The following MMS22L variants were observed in gnomAD, a reference collection of about 807,000 sequenced individuals.
The protein encoded by MMS22L is MMS22 like, DNA repair protein.
Under a neutral mutation model 159.1 loss-of-function variants are expected in MMS22L, and 74 were observed. That is an observed-to-expected ratio of 0.47 (90% CI 0.39 to 0.56). The LOEUF (loss-of-function observed/expected upper bound fraction) is 0.56. Among genes scored for constraint, MMS22L ranks in the 20% least tolerant of loss-of-function variants. The pLI is 0.00. For synonymous variants in MMS22L, 517 were observed against 506.9 expected, an observed-to-expected ratio of 1.02 and a Z score of -0.27; for missense variants, 1,351 against 1,422.1, an observed-to-expected ratio of 0.95 and a Z score of 0.80.
At chr6:97,203,590 G>T (rs569622774) in intron 14 of MMS22L, among the ~76,000 whole-genome samples, 52 of 152,140 alleles carry the variant, frequency 3.4e-4, no homozygotes, top group Non-Finnish European at 5.1e-4. Context: ...TGATCCTCCT[G>T]TCCTTTCATT....
chr6:97,177,910 T>G (rs979761103), intron 18 of MMS22L, among the ~76,000 whole-genome samples: 5 of 152,126 alleles, frequency 3.3e-5, no homozygotes, highest in South Asian at 2.1e-4. Flanking sequence ...CACTCTCACA[T>G]AGATAAATTT....
chr6:97,281,277 C>T lies in MMS22L; in HGVS notation c.250G>A (p.Ala84Thr). ...IFGIQWVTET[A>T]LVNSSRELFH... ...AGTTCTCTAGATGAATTCACTAATG[C>T]TGTTTCAGTAACCCACTGAATGCCA... The change falls in exon 3 of 25, where the codon GCA becomes ACA. Residue 84 changes from alanine to threonine, a missense_variant. By Grantham distance (58) the Ala-to-Thr change is moderately conservative. Transcript: ENST00000683635. 1 of 1,611,490 alleles carries T rather than the reference C, an allele frequency of 6.2e-7. No homozygotes were observed. Among genetic ancestry groups the T allele is most frequent in the Non-Finnish European group, 8.5e-7 (1 of 1,179,288 alleles).
chr6:97,208,813 CAAAGTCCTTCAT>C (rs1255362976), intron 14 of MMS22L, among the ~76,000 whole-genome samples: 2 of 152,044 alleles, frequency 1.3e-5, no homozygotes, highest in Non-Finnish European at 2.9e-5. Flanking sequence ...GCCCTAACTT[CAAAGTCCTTCAT>C]AATCTGGTAT....
intron 18 of MMS22L, among the ~76,000 whole-genome samples, chr6:97,174,270 A>T (rs9488181): frequency 0.45 from 67,304 of 150,450 alleles, 15,250 homozygotes; most frequent in South Asian, 0.52. Context: ...TAAAAAAAAA[A>T]AAAAAATAAA....
chr6:97,180,712 C>T (rs2128272218), intron 16 of MMS22L, among the ~76,000 whole-genome samples: 1 of 152,222 alleles, frequency 6.6e-6, no homozygotes, highest in South Asian at 2.1e-4. Flanking sequence ...CAAATTATTT[C>T]AGCAAAAGTC....
intron 7 of MMS22L, 60 bp from the exon 8 acceptor site, chr6:97,268,062 G>A: frequency 8.6e-7 from 1 of 1,167,730 alleles, no homozygotes; most frequent in Non-Finnish European, 1.1e-6. Context: ...AAAGGAAAAA[G>A]TGACTGTACA....
At chr6:97,218,193 G>A (rs1295370108) in intron 14 of MMS22L, among the ~76,000 whole-genome samples, 1 of 152,156 alleles carries the variant, frequency 6.6e-6, no homozygotes, top group Non-Finnish European at 1.5e-5. Context: ...CAACTGGGAA[G>A]AACAAACCTC....
chr6:97,228,786 G>A, intron 14 of MMS22L, 108 bp downstream of exon 14: 1 of 1,061,530 alleles, frequency 9.4e-7, no homozygotes, highest in Non-Finnish European at 1.3e-6. Context: ...CTCTACATTT[G>A]GATTTCATGT....
chr6:97,274,761 C>T (rs757860925), intron 4 of MMS22L, among the ~76,000 whole-genome samples: 2 of 152,064 alleles, frequency 1.3e-5, no homozygotes, highest in African/African-American at 2.4e-5. Flanking sequence ...ACAGAAGTGT[C>T]CCTCTGAGAT....
intron 14 of MMS22L, among the ~76,000 whole-genome samples, chr6:97,222,497 T>C (rs1247381963): frequency 6.6e-6 from 1 of 152,100 alleles, no homozygotes; most frequent in Admixed American, 6.6e-5. Context: ...TCTTTGAAAC[T>C]AGTCTCTTGT....
At chr6:97,268,886 T>C (rs1287739053) in intron 7 of MMS22L, among the ~76,000 whole-genome samples, 1 of 151,924 alleles carries the variant, frequency 6.6e-6, no homozygotes, top group East Asian at 1.9e-4. Flanking sequence ...TATATAGACA[T>C]ATATATGTAA....
intron 3 of MMS22L, among the ~76,000 whole-genome samples, chr6:97,279,913 A>G (rs567147849): frequency 7.2e-5 from 11 of 152,248 alleles, no homozygotes; most frequent in Non-Finnish European, 1.5e-4. Context: ...AGACTAAAGT[A>G]TCAGGGAAAG....
Position 97,272,810 on chromosome 6 carries a change from G to A in MMS22L, c.500C>T (p.Pro167Leu), listed in dbSNP as rs756375846. Reference protein sequence around the residue: ...HPYEALEAQLPSVLIDELHGL... With the variant: ...HPYEALEAQLLSVLIDELHGL... Reference sequence around the variant, plus strand: ...ATGAAGCTCATCAATCAACACTGAGGGAAGCTGAGCCTCCAAAGCCTCATA... The same window carrying A: ...ATGAAGCTCATCAATCAACACTGAGAGAAGCTGAGCCTCCAAAGCCTCATA... Residue 167 changes from proline to leucine, a missense_variant, in exon 6 of 25, where the codon CCC becomes CTC. Pro to Leu is a moderately conservative substitution (Grantham distance 98, BLOSUM62 -3). Coordinates refer to ENST00000683635, the MANE Select transcript of MMS22L (RefSeq NM_001350599.2). 4 of 1,613,828 alleles carry A rather than the reference G, an allele frequency of 2.5e-6. No individual in the cohort carries two copies. Among genetic ancestry groups the A allele is most frequent in the African/African-American group, 2.7e-5 (2 of 74,880 alleles).
intron 14 of MMS22L, among the ~76,000 whole-genome samples, chr6:97,204,034 T>G (rs958311580): frequency 6.6e-6 from 1 of 152,192 alleles, no homozygotes; most frequent in Non-Finnish European, 1.5e-5. Context: ...CCATGTTCAA[T>G]GACACAGTGA....
At chr6:97,222,773 T>C (rs1258923362) in intron 14 of MMS22L, among the ~76,000 whole-genome samples, 1 of 152,076 alleles carries the variant, frequency 6.6e-6, no homozygotes, top group Non-Finnish European at 1.5e-5. Flanking sequence ...CTAATTTTCA[T>C]AGCTGTGTTA....
intron 8 of MMS22L, chr6:97,264,595 A>G (rs1038448758): frequency 1.3e-5 from 2 of 152,296 alleles, no homozygotes; most frequent in South Asian, 4.1e-4. Context: ...ACAGAAAGAA[A>G]TGTTAAAATT....
chr6:97,241,074 T>C (rs1812009797), intron 11 of MMS22L, among the ~76,000 whole-genome samples: 1 of 152,236 alleles, frequency 6.6e-6, no homozygotes, highest in Non-Finnish European at 1.5e-5. Context: ...TAGTTTTCCA[T>C]TCCTGAGTGT....
intron 11 of MMS22L, among the ~76,000 whole-genome samples, chr6:97,240,827 A>G (rs1811979051): frequency 6.6e-6 from 1 of 151,854 alleles, no homozygotes; most frequent in Non-Finnish European, 1.5e-5. Flanking sequence ...GAGTTTCACC[A>G]TGTTGGCCAG....
intron 18 of MMS22L, among the ~76,000 whole-genome samples, chr6:97,174,259 A>AT (rs1222842235): frequency 2.0e-5 from 3 of 149,922 alleles, no homozygotes; most frequent in Admixed American, 1.3e-4. Flanking sequence ...CAAAAAAAAA[A>AT]TAAAAAAAAA....
Sources: allele counts gnomAD v4.1 joint callset (sites outside exome capture counted in the v4.1 genomes callset), GRCh38; gene constraint gnomAD v4.1.1; transcripts MANE v1.5; gene names NCBI Gene and HGNC (gene_info 2026-07-23, HGNC 2026-07-21).